The following CABIN1 variants were observed in gnomAD, a reference collection of about 807,000 sequenced individuals.
The protein encoded by CABIN1 is calcineurin-binding protein cabin-1.
Under a neutral mutation model 227.7 loss-of-function variants are expected in CABIN1, and 133 were observed. The observed-to-expected ratio is 0.58, with a 90% CI of 0.51 to 0.67. The LOEUF (loss-of-function observed/expected upper bound fraction) is 0.67, where lower values mean the gene tolerates loss of function less well. CABIN1 is among the 30% of genes least tolerant of loss of function. CABIN1 has a pLI of 0.00. For synonymous variants in CABIN1, 1,086 were observed against 1,155.1 expected (o/e 0.94, Z 1.21); for missense variants, 2,408 against 2,852.5 (o/e 0.84, Z 3.55).
At chr22:24,074,129 A>G (rs890449928) in intron 18 of CABIN1, among the ~76,000 whole-genome samples, 5 of 152,190 alleles carry the variant, frequency 3.3e-5, no homozygotes, top group Admixed American at 6.5e-5. Flanking sequence ...AAAAAAACCT[A>G]AAGTTTATAA....
chr22:24,170,611 G>A (rs5751810), intron 33 of CABIN1, among the ~76,000 whole-genome samples: 8,811 of 152,282 alleles, frequency 0.058, 308 homozygotes, highest in South Asian at 0.11. Flanking sequence ...AGGCCCCAGA[G>A]CACCGGCCTG....
intron 29 of CABIN1, among the ~76,000 whole-genome samples, chr22:24,159,009 G>C (rs751690593): frequency 4.1e-4 from 62 of 152,338 alleles, no homozygotes; most frequent in Non-Finnish European, 7.4e-4. Context: ...TTTCTGGGCA[G>C]TCTGCAGGCA....
At chr22:24,095,712 G>T (rs554640543) in intron 24 of CABIN1, among the ~76,000 whole-genome samples, 1 of 152,340 alleles carries the variant, frequency 6.6e-6, no homozygotes, top group East Asian at 1.9e-4. Context: ...GAGTTACTGC[G>T]TGAACGTTTA....
rs755635014 is a variant in CABIN1, at chr22:24,036,192, C to G, written c.96+11C>G. 2 of 1,583,296 alleles carry G rather than the reference C, an allele frequency of 1.3e-6. No homozygotes were observed. Among genetic ancestry groups the G allele is most frequent in the Non-Finnish European group, 1.7e-6 (2 of 1,152,210 alleles). ...ACAAAGGAGGCTCAGGTACGTAATGCGAGGTCTTCTCTGTAGGTGGACCTT... is the reference window on the plus strand; with the variant it reads ...ACAAAGGAGGCTCAGGTACGTAATGGGAGGTCTTCTCTGTAGGTGGACCTT... On this transcript the variant is annotated intron_variant, in intron 3 of 36. Transcript: ENST00000263119.
chr22:24,099,942 G>A (rs554071854), intron 26 of CABIN1, among the ~76,000 whole-genome samples: 1 of 152,346 alleles, frequency 6.6e-6, no homozygotes, highest in South Asian at 2.1e-4. Flanking sequence ...CAGAAAGGGG[G>A]CCATGATGCC....
intron 1 of CABIN1, among the ~76,000 whole-genome samples, chr22:24,021,297 G>A (rs1043717160): frequency 5.9e-5 from 9 of 151,922 alleles, no homozygotes; most frequent in Admixed American, 3.3e-4. Context: ...TGGGATTACA[G>A]GCATGAGCCA....
rs1245505281 is a variant in CABIN1 at position 24,087,706 on chromosome 22, T to G, written c.3518T>G (p.Val1173Gly). 6.2e-7 allele frequency: 1 copy of G among 1,613,710 alleles called. No individual in the cohort carries two copies. The highest frequency in any genetic ancestry group is 2.2e-5 in the East Asian group (1 of 44,904). Residue 1173 changes from valine to glycine, a missense_variant, in exon 23 of 37, where the codon GTG becomes GGG. By Grantham distance (109) the Val-to-Gly change is moderately radical. Transcript: ENST00000263119. ...QWRGELPPEL[V>G]QQMEGRRDSM... is the part of the protein sequence containing the mutation. ...AGAGGCGAGCTGCCCCCTGAGCTCGTGCAGCAGGTGAGGAGGGGGTGCTGC... is the reference window on the plus strand; with the variant it reads ...AGAGGCGAGCTGCCCCCTGAGCTCGGGCAGCAGGTGAGGAGGGGGTGCTGC...
At position 24,136,524 on chromosome 22, in the gene CABIN1, A is replaced by ATTTTTTTTTTTTTTTTTTTT. The variant is rs145864566; in HGVS notation, c.4746+2114_4746+2133dup. Among the ~76,000 whole-genome samples, 196 of 69,842 alleles carry ATTTTTTTTTTTTTTTTTTTT rather than the reference A, an allele frequency of 2.8e-3. 14 individuals are homozygous for ATTTTTTTTTTTTTTTTTTTT. Among genetic ancestry groups the ATTTTTTTTTTTTTTTTTTTT allele is most frequent in the Middle Eastern group, 0.01 (1 of 98 alleles). The allele number at this position is 69,842 out of a possible 152,430, so 45.8% of individuals were successfully genotyped here. On this transcript the variant is annotated intron_variant, in intron 29 of 36. Transcript: ENST00000263119. ...ACTGCCACGCCCAGCTAATTTTTGT[A>ATTTTTTTTTTTTTTTTTTTT]TTTTTTTTTTTTTTTTTTTTTTTTA...
intron 28 of CABIN1, among the ~76,000 whole-genome samples, chr22:24,131,490 T>G (rs1412667760): frequency 6.6e-6 from 1 of 152,150 alleles, no homozygotes; most frequent in African/African-American, 2.4e-5. Flanking sequence ...CTGCAGCCCA[T>G]GGTCTTAGCA....
At chr22:24,024,823 C>G (rs1027804882) in intron 1 of CABIN1, among the ~76,000 whole-genome samples, 2 of 152,106 alleles carry the variant, frequency 1.3e-5, no homozygotes, top group African/African-American at 4.8e-5. Context: ...TATTTTTAGT[C>G]TTCAGAATTT....
intron 29 of CABIN1, among the ~76,000 whole-genome samples, chr22:24,142,969 A>T (rs2044864757): frequency 6.6e-6 from 1 of 151,904 alleles, no homozygotes. Flanking sequence ...CTTTGCTCAC[A>T]CTTCAAGGAG....
chr22:24,030,105 T>G (rs191511541), intron 1 of CABIN1, among the ~76,000 whole-genome samples: 3 of 152,338 alleles, frequency 2.0e-5, no homozygotes, highest in African/African-American at 7.2e-5. Flanking sequence ...TATGGAGTGA[T>G]GTTGATGATG....
Position 24,045,962 on chromosome 22 carries a change from T to C in CABIN1, c.526+2878T>C, listed in dbSNP as rs562562872. On this transcript the variant is annotated intron_variant, in intron 6 of 36. Transcript: ENST00000263119. ...TCTGAGACCTGTCAGTTTGTATATG[T>C]GAAAACATGTCAAGATACAGAACAT... 5.9e-5 allele frequency among the ~76,000 whole-genome samples: 9 copies of C among 152,334 alleles called. No individual in the cohort carries two copies. In the East Asian group the frequency reaches 7.7e-4, roughly 13 times the overall value.
chr22:24,068,463 A>T (rs573627405), intron 16 of CABIN1, among the ~76,000 whole-genome samples: 1 of 152,330 alleles, frequency 6.6e-6, no homozygotes, highest in East Asian at 1.9e-4. Flanking sequence ...GTCTTCTAGA[A>T]CAGCTGGATG....
Position 24,067,279 on chromosome 22 carries a change from A to G in CABIN1, c.2232+98A>G, listed in dbSNP as rs867497065. Reference sequence around the variant, plus strand: ...GTTCTGCGGTAGTTCTTAAGAATGTATAGCTAGAAGAGAGTGGATGTCAAA... The same window carrying G: ...GTTCTGCGGTAGTTCTTAAGAATGTGTAGCTAGAAGAGAGTGGATGTCAAA... On this transcript the variant is annotated intron_variant, in intron 16 of 36. Coordinates refer to ENST00000263119, the MANE Select transcript of CABIN1 (RefSeq NM_012295.4). The G allele has an allele frequency of 1.9e-5, 24 of 1,266,180 alleles. 1 individual carries two copies. The Middle Eastern group carries it at 1.7e-3, about 88-fold the overall frequency. The allele number at this position is 1,266,180 out of a possible 1,614,324, so 78.4% of individuals were successfully genotyped here. A position where few individuals can be genotyped will look rare whatever the true frequency, so the allele number is the denominator to read the frequency against.
At chr22:24,115,979 A>G (rs1245326893) in intron 27 of CABIN1, among the ~76,000 whole-genome samples, 1 of 152,226 alleles carries the variant, frequency 6.6e-6, no homozygotes, top group Non-Finnish European at 1.5e-5. Context: ...TCTGACTGCC[A>G]CATCCTGCCT....
At chr22:24,170,867 TAC>T (rs1200908641) in intron 33 of CABIN1, among the ~76,000 whole-genome samples, 3 of 148,912 alleles carry the variant, frequency 2.0e-5, no homozygotes, top group Non-Finnish European at 4.4e-5. Context: ...GCTCCCACAG[TAC>T]AGTCAGCCTG....
chr22:24,116,097 T>C (rs1203064914), intron 27 of CABIN1, among the ~76,000 whole-genome samples: 2 of 152,202 alleles, frequency 1.3e-5, no homozygotes, highest in Admixed American at 6.5e-5. Flanking sequence ...TTCTCCACTC[T>C]GGCCTTGACC....
intron 28 of CABIN1, among the ~76,000 whole-genome samples, chr22:24,125,690 A>T (rs1418864845): frequency 6.6e-6 from 1 of 152,238 alleles, no homozygotes; most frequent in Non-Finnish European, 1.5e-5. Context: ...CTGTGGACAT[A>T]AAAGTGGCCC....
Sources: allele counts gnomAD v4.1 joint callset (sites outside exome capture counted in the v4.1 genomes callset), GRCh38; gene constraint gnomAD v4.1.1; transcripts MANE v1.5; gene names NCBI Gene and HGNC (gene_info 2026-07-23, HGNC 2026-07-21).